The following MYO7B variants were observed in gnomAD, a reference collection of about 807,000 sequenced individuals.
MYO7B encodes unconventional myosin-VIIb.
A neutral mutation model predicts 259.7 loss-of-function variants in MYO7B; 212 were observed. That is an observed-to-expected ratio of 0.82 (90% confidence interval 0.73 to 0.91). The LOEUF is 0.91. Among genes scored for constraint, MYO7B ranks in the 40% least tolerant of loss-of-function variants. The pLI is 0.00. For synonymous variants in MYO7B, 1,197 were observed against 1,166.4 expected (o/e 1.03, Z -0.54); for missense variants, 2,732 against 2,813.5 (o/e 0.97, Z 0.66).
intron 6 of MYO7B, among the ~76,000 whole-genome samples, chr2:127,571,786 G>A (rs1344799581): frequency 1.3e-5 from 2 of 152,056 alleles, no homozygotes; most frequent in South Asian, 2.1e-4. Flanking sequence ...GGCCATTAGT[G>A]AGTTTTAAGA....
At chr2:127,634,406 G>A (rs1410621077) in intron 41 of MYO7B, 117 bp downstream of exon 41, 3 of 945,460 alleles carry the variant, frequency 3.2e-6, no homozygotes, top group African/African-American at 3.3e-5. Flanking sequence ...AGGCTGCACG[G>A]CCAGGGCTGC....
intron 15 of MYO7B, among the ~76,000 whole-genome samples, chr2:127,588,802 G>A (rs1679411337): frequency 6.8e-6 from 1 of 147,602 alleles, no homozygotes; most frequent in Non-Finnish European, 1.5e-5. Flanking sequence ...TGGATGGATG[G>A]GTGGGTGGAT....
Position 127,584,245 on chromosome 2 carries a change from C to T in MYO7B, c.1467C>T (p.Tyr489=). 1 of 1,614,014 alleles carries T rather than the reference C, an allele frequency of 6.2e-7. No individual in the cohort carries two copies. Residue 489 remains tyrosine, a synonymous_variant, in exon 13 of 48, where the codon TAC becomes TAT. Coordinates refer to ENST00000409816, the MANE Select transcript of MYO7B (RefSeq NM_001393586.1). This position sits in a 1 kb window ranked among gnomAD's most constrained non-coding sequence, Gnocchi z 5.8. ...SENISWDYIH[Y]TDNRPTLDLL... is the part of the protein sequence containing the mutation. ...ACATCTCCTGGGACTATATCCACTA[C>T]ACCGACAATCGGCCCACCCTGGACC...
intron 19 of MYO7B, among the ~76,000 whole-genome samples, chr2:127,602,876 G>A (rs866002523): frequency 6.6e-6 from 1 of 151,830 alleles, no homozygotes; most frequent in Non-Finnish European, 1.5e-5. Flanking sequence ...GATGTGCACC[G>A]GTAGTCCCAG....
chr2:127,555,029 A>G (rs1196015426), intron 1 of MYO7B, among the ~76,000 whole-genome samples: 1 of 151,228 alleles, frequency 6.6e-6, no homozygotes, highest in African/African-American at 2.4e-5. Flanking sequence ...GCTCACTGCA[A>G]CCTCTGCCTC....
chr2:127,570,015 C>A, intron 6 of MYO7B, 105 bp downstream of exon 6: 1 of 1,342,880 alleles, frequency 7.4e-7, no homozygotes, highest in Non-Finnish European at 1.0e-6. Flanking sequence ...CCTTCAGCAA[C>A]TCCTCCAGAC....
intron 36 of MYO7B, 21 bp from the exon 37 acceptor site, chr2:127,631,185 C>T (rs563968024): frequency 4.4e-6 from 7 of 1,578,182 alleles, no homozygotes; most frequent in African/African-American, 2.7e-5. Context: ...GCAGGCCTCA[C>T]ACCAGCCTCT....
Position 127,584,256 on chromosome 2 carries a change from G to A in MYO7B, c.1478G>A (p.Arg493Gln), listed in dbSNP as rs753106341. The change falls in exon 13 of 48, where the codon CGG becomes CAG. Residue 493 changes from arginine (R) to glutamine (Q), a missense_variant. Physicochemically the swap from Arg to Gln is conservative, Grantham distance 43. Transcript: ENST00000409816. The surrounding 1 kb of genome is among the most constrained non-coding windows in gnomAD (Gnocchi z 5.8). The stretch of plus-strand genomic sequence containing the variant: ...GACTATATCCACTACACCGACAATC[G>A]GCCCACCCTGGACCTGCTGGCCCTC... ...SWDYIHYTDN[R>Q]PTLDLLALKP... The A allele has an allele frequency of 1.4e-5, 23 of 1,613,836 alleles. No homozygotes were observed. Among genetic ancestry groups the A allele is most frequent in the East Asian group, 2.2e-5 (1 of 44,888 alleles).
intron 17 of MYO7B, 21 bp downstream of exon 17, chr2:127,592,967 G>T (rs773341662): frequency 1.3e-6 from 2 of 1,568,646 alleles, no homozygotes; most frequent in Non-Finnish European, 1.7e-6. Flanking sequence ...CTCGGGGACG[G>T]TCACCTCTGG....
Position 127,637,460 on chromosome 2 carries a change from C to G in MYO7B, c.*43C>G. On this transcript the variant is annotated 3_prime_UTR_variant, in exon 48 of 48. Transcript: ENST00000409816. ...TCTGCTCAGGCGCCCTTCCCGACCTCTAGCCTGGCGGCACCTTCCCAGGCC... is the reference window on the plus strand; with the variant it reads ...TCTGCTCAGGCGCCCTTCCCGACCTGTAGCCTGGCGGCACCTTCCCAGGCC... 1 of 1,415,532 alleles carries G rather than the reference C, an allele frequency of 7.1e-7. No individual in the cohort carries two copies. The highest frequency in any genetic ancestry group is 9.4e-7 in the Non-Finnish European group (1 of 1,063,116). The allele number at this position is 1,415,532 out of a possible 1,614,324, so 87.7% of individuals were successfully genotyped here.
Position 127,628,417 on chromosome 2 carries a change from G to A in MYO7B, c.4506G>A (p.Glu1502=), listed in dbSNP as rs777899754. Residue 1502 remains glutamate (E), a synonymous_variant, in exon 34 of 48, where the codon GAG becomes GAA. Coordinates refer to ENST00000409816, the MANE Select transcript of MYO7B (RefSeq NM_001393586.1). The surrounding 1 kb of genome is among the most constrained non-coding windows in gnomAD (Gnocchi z 4.8). ...GQRLLLSTMH[E]EYEFVSPSSV... is the part of the protein sequence containing the mutation. ...GGCTGCTGCTCTCCACGATGCATGA[G>A]GAGTACGAGTTTGTGTCACCCAGCA... 1.2e-6 allele frequency: 2 copies of A among 1,600,186 alleles called. No homozygotes were observed. The highest frequency in any genetic ancestry group is 1.7e-5 in the Admixed American group (1 of 58,320).
Position 127,577,876 on chromosome 2 carries a change from G to A in MYO7B, c.850-257G>A, listed in dbSNP as rs964650556. ...AGACAAGGCAAGCTCGAGTAGGGACGAACGACAAATAGAGGATCAGAGAAG... is the reference window on the plus strand; with the variant it reads ...AGACAAGGCAAGCTCGAGTAGGGACAAACGACAAATAGAGGATCAGAGAAG... On this transcript the variant is annotated intron_variant, in intron 8 of 47. Transcript: ENST00000409816. The surrounding 1 kb of genome is among the most constrained non-coding windows in gnomAD (Gnocchi z 5.2). Among the ~76,000 whole-genome samples, 13 of 152,228 alleles carry A rather than the reference G, an allele frequency of 8.5e-5. No individual in the cohort carries two copies. The highest frequency in any genetic ancestry group is 4.1e-4 in the South Asian group (2 of 4,830).
At chr2:127,630,033 A>G (rs980058620) in intron 35 of MYO7B, among the ~76,000 whole-genome samples, 1 of 152,064 alleles carries the variant, frequency 6.6e-6, no homozygotes. Context: ...GTCCTCAATA[A>G]ATGGGTGTTC....
At position 127,635,646 on chromosome 2, in the gene MYO7B, A is replaced by G. The variant is rs1573731809; in HGVS notation, c.5821-76A>G. 6 of 1,451,982 alleles carry G rather than the reference A, an allele frequency of 4.1e-6. No homozygotes were observed. The East Asian group carries it at 9.9e-5, about 24-fold the overall frequency. 89.9% of individuals were successfully genotyped at this position (1,451,982 alleles called of 1,614,324 possible). A position where few individuals can be genotyped will look rare whatever the true frequency, so the allele number is the denominator to read the frequency against. On this transcript the variant is annotated intron_variant, in intron 43 of 47. Transcript: ENST00000409816. ...GTGGGCTAAGCCCCAGTTCCCCACC[A>G]TCTGAGCGGGAAAGAGGTTGGGGGC... is the stretch of plus-strand genomic sequence containing the variant.
chr2:127,577,990 T>G lies in MYO7B; in HGVS notation c.850-143T>G. ...TGCTGTGGCTACTGTGTCATGATTC[T>G]GCCTCTGAAAAGAGTTTTTGAGCGT... is the stretch of plus-strand genomic sequence containing the variant. On this transcript the variant is annotated intron_variant, in intron 8 of 47. Coordinates refer to ENST00000409816, the MANE Select transcript of MYO7B (RefSeq NM_001393586.1). The surrounding 1 kb of genome is among the most constrained non-coding windows in gnomAD (Gnocchi z 5.2). 4 of 898,738 alleles carry G rather than the reference T, an allele frequency of 4.5e-6. No homozygotes were observed. Among genetic ancestry groups the G allele is most frequent in the Non-Finnish European group, 6.6e-6 (4 of 604,956 alleles). 55.7% of individuals were successfully genotyped at this position (898,738 alleles called of 1,614,324 possible).
rs570482336 is a variant in MYO7B, at chr2:127,588,254, A to C, written c.1691-138A>C. The stretch of plus-strand genomic sequence containing the variant: ...GGGCCATGCCTGGGTAGAGGGGTGG[A>C]GAGCATGGCCGTAGTGGGGCCATTG... On this transcript the variant is annotated intron_variant, in intron 14 of 47. Transcript: ENST00000409816. 3.9e-4 allele frequency: 367 copies of C among 938,634 alleles called. 1 individual carries two copies. The highest frequency in any genetic ancestry group is 5.2e-4 in the Non-Finnish European group (331 of 633,642). 58.1% of individuals were successfully genotyped at this position (938,634 alleles called of 1,614,324 possible).
rs775618197 is a variant in MYO7B, at chr2:127,576,748, G to T, written c.849+40G>T. Reference sequence around the variant, plus strand: ...TGCCGCCTCCCAGTAGCCAGTGGAAGGGAGGAAAAAGAGCTTGTGCCGCTC... The same window carrying T: ...TGCCGCCTCCCAGTAGCCAGTGGAATGGAGGAAAAAGAGCTTGTGCCGCTC... On this transcript the variant is annotated intron_variant, in intron 8 of 47. Coordinates refer to ENST00000409816, the MANE Select transcript of MYO7B (RefSeq NM_001393586.1). The surrounding 1 kb of genome is among the most constrained non-coding windows in gnomAD (Gnocchi z 4.9). 1 of 1,428,660 alleles carries T rather than the reference G, an allele frequency of 7.0e-7. No individual in the cohort carries two copies. The highest frequency in any genetic ancestry group is 9.8e-7 in the Non-Finnish European group (1 of 1,023,152). 88.5% of individuals were successfully genotyped at this position (1,428,660 alleles called of 1,614,324 possible).
chr2:127,540,488 C>T (rs1692963038), intron 1 of MYO7B, among the ~76,000 whole-genome samples: 1 of 152,186 alleles, frequency 6.6e-6, no homozygotes, highest in Admixed American at 6.5e-5. Flanking sequence ...CATATAATGA[C>T]TTATCTTATT....
At chr2:127,566,872 C>T in intron 5 of MYO7B, 45 bp downstream of exon 5, 2 of 1,568,450 alleles carry the variant, frequency 1.3e-6, no homozygotes, top group Non-Finnish European at 1.7e-6. Flanking sequence ...TCTCCCTGAA[C>T]TGCTCCCCAC....
Sources: allele counts gnomAD v4.1 joint callset (sites outside exome capture counted in the v4.1 genomes callset), GRCh38; gene constraint gnomAD v4.1.1; non-coding constraint Gnocchi (gnomAD v3.1); transcripts MANE v1.5; gene names NCBI Gene and HGNC (gene_info 2026-07-23, HGNC 2026-07-21).